Variants in TSGA10 observed in about 807,000 individuals in gnomAD.
The protein encoded by TSGA10 is testis-specific gene 10 protein.
In TSGA10, 43 loss-of-function variants were observed where a neutral mutation model predicts 96.6. The ratio of observed to expected loss-of-function variants is 0.44; its 90% CI spans 0.35 to 0.57. The LOEUF (loss-of-function observed/expected upper bound fraction) is 0.57, where lower values mean the gene tolerates loss of function less well. Among genes scored for constraint, TSGA10 ranks in the 20% least tolerant of loss-of-function variants. TSGA10 has a pLI of 0.01. For synonymous variants in TSGA10, 229 were observed against 269.9 expected (o/e 0.85, Z 1.48); for missense variants, 703 against 834.4 (o/e 0.84, Z 1.94).
intron 1 of TSGA10, among the ~76,000 whole-genome samples, chr2:99,145,500 GTCACCC>G (rs2093622588): frequency 6.6e-6 from 1 of 151,696 alleles, no homozygotes; most frequent in Admixed American, 6.6e-5. Flanking sequence ...GGAGGCTGCA[GTCACCC>G]TAGATCACAC....
At chr2:99,095,402 CAAATA>C (rs1030780543) in intron 10 of TSGA10, among the ~76,000 whole-genome samples, 24 of 151,390 alleles carry the variant, frequency 1.6e-4, no homozygotes, top group African/African-American at 5.3e-4. Flanking sequence ...GGAAATTAAA[CAAATA>C]AAATAAAATA....
intron 20 of TSGA10, among the ~76,000 whole-genome samples, chr2:99,005,881 G>T (rs2078423699): frequency 6.6e-6 from 1 of 152,180 alleles, no homozygotes; most frequent in Non-Finnish European, 1.5e-5. Flanking sequence ...CACGTTACCT[G>T]ACTTCAAACT....
At chr2:99,140,677 C>T (rs1291498770) in intron 1 of TSGA10, among the ~76,000 whole-genome samples, 3 of 152,124 alleles carry the variant, frequency 2.0e-5, no homozygotes, top group Non-Finnish European at 4.4e-5. Context: ...CCTTTCACCA[C>T]CCCAAGTCTA....
intron 1 of TSGA10, among the ~76,000 whole-genome samples, chr2:99,136,520 G>A (rs1247390934): frequency 3.7e-5 from 1 of 27,180 alleles, no homozygotes; most frequent in Admixed American, 4.6e-4. Flanking sequence ...TATTTCTGCC[G>A]GGCGCGGTGG....
At chr2:99,059,078 T>TATATATATA (rs2084351134) in intron 16 of TSGA10, among the ~76,000 whole-genome samples, 7 of 140,584 alleles carry the variant, frequency 5.0e-5, no homozygotes. Context: ...ATTTATATAT[T>TATATATATA]TTTATATATA....
chr2:99,095,257 G>C (rs1047921885), intron 10 of TSGA10, among the ~76,000 whole-genome samples: 1 of 152,144 alleles, frequency 6.6e-6, no homozygotes, highest in Non-Finnish European at 1.5e-5. Flanking sequence ...GAAAGGATGG[G>C]AGGTGGGGTG....
chr2:99,049,736 A>C (rs1193358413), intron 16 of TSGA10, among the ~76,000 whole-genome samples: 1 of 115,932 alleles, frequency 8.6e-6, no homozygotes, highest in Non-Finnish European at 1.6e-5. Context: ...TAATTTAAAA[A>C]AAAGAAAAAA....
chr2:99,060,113 AC>A (rs1407244409), intron 16 of TSGA10, among the ~76,000 whole-genome samples: 1 of 152,130 alleles, frequency 6.6e-6, no homozygotes. Context: ...AAGAAGTAAA[AC>A]TATCTTTATA....
At chr2:99,137,001 C>CT (rs11430590) in intron 1 of TSGA10, among the ~76,000 whole-genome samples, 61,186 of 129,246 alleles carry the variant, frequency 0.47, 15,908 homozygotes, top group Middle Eastern at 0.7. Context: ...AACAGACTTC[C>CT]TTTTTTTTTT....
intron 20 of TSGA10, among the ~76,000 whole-genome samples, chr2:99,006,718 A>G (rs1296431549): frequency 6.6e-6 from 1 of 152,226 alleles, no homozygotes; most frequent in East Asian, 1.9e-4. Flanking sequence ...TAGTTCAACC[A>G]TTGTGGAAGT....
intron 16 of TSGA10, among the ~76,000 whole-genome samples, chr2:99,048,393 A>G (rs1419485664): frequency 4.6e-5 from 7 of 152,128 alleles, no homozygotes; most frequent in Admixed American, 4.6e-4. Context: ...ACACACACCA[A>G]TGGAACAGAA....
At chr2:99,043,244 T>G (rs1334781232) in intron 16 of TSGA10, among the ~76,000 whole-genome samples, 2 of 151,936 alleles carry the variant, frequency 1.3e-5, no homozygotes, top group African/African-American at 4.8e-5. Flanking sequence ...ATAATTGAAA[T>G]GAAAAGGTTT....
At chr2:99,041,411 T>A (rs2082170354) in intron 16 of TSGA10, among the ~76,000 whole-genome samples, 1 of 152,184 alleles carries the variant, frequency 6.6e-6, no homozygotes, top group Non-Finnish European at 1.5e-5. Flanking sequence ...TCTGGAGGCA[T>A]CACTTACCCA....
chr2:99,093,405 G>A (rs2089604573), intron 10 of TSGA10, among the ~76,000 whole-genome samples: 1 of 152,150 alleles, frequency 6.6e-6, no homozygotes, highest in Non-Finnish European at 1.5e-5. Context: ...CTTAGCCAGA[G>A]CAATCAGACA....
chr2:99,002,445 T>C (rs920704928), intron 20 of TSGA10, among the ~76,000 whole-genome samples: 8 of 152,226 alleles, frequency 5.3e-5, no homozygotes, highest in African/African-American at 1.4e-4. Context: ...TGAGAGATGT[T>C]GTCACCACCA....
At chr2:99,068,794 C>T in intron 15 of TSGA10, 94 bp downstream of exon 15, 1 of 523,020 alleles carries the variant, frequency 1.9e-6, no homozygotes, top group Admixed American at 3.7e-5. Flanking sequence ...TTAAAGAAAG[C>T]TTTGATTCAC....
At chr2:99,105,292 A>G in intron 9 of TSGA10, 67 bp downstream of exon 9, 1 of 1,342,102 alleles carries the variant, frequency 7.5e-7, no homozygotes, top group Non-Finnish European at 1.0e-6. Context: ...AATACAGAAA[A>G]AGGAGAAAGG....
In TSGA10 at chr2:99,071,533, T is replaced by C. The variant is rs566987557; in HGVS notation, c.1107+173A>G. On this transcript the variant is annotated intron_variant, in intron 14 of 20. Coordinates refer to ENST00000393483, the MANE Select transcript of TSGA10 (RefSeq NM_025244.4). ...TCTCTTTTCTTTAATATTTAACCCT[T>C]TGTGTCTGAGAATTCCATTTAAAAA... Among the ~76,000 whole-genome samples, 43 of 152,282 alleles carry C rather than the reference T, an allele frequency of 2.8e-4. 1 individual carries two copies. The South Asian group carries it at 8.9e-3, about 32-fold the overall frequency.
chr2:99,138,850 G>A (rs2093421820), intron 1 of TSGA10, among the ~76,000 whole-genome samples: 1 of 152,168 alleles, frequency 6.6e-6, no homozygotes, highest in Non-Finnish European at 1.5e-5. Context: ...CTACAGTACA[G>A]AAACAATGAA....
Sources: gnomAD v4.1 joint callset for allele counts (sites outside exome capture counted in the v4.1 genomes callset) on GRCh38, gnomAD v4.1.1 for gene constraint, MANE v1.5 for transcripts, NCBI Gene and HGNC (gene_info 2026-07-23, HGNC 2026-07-21) for gene names.